Variants in THSD4 observed in about 807,000 individuals in gnomAD.
THSD4 encodes the protein thrombospondin type-1 domain-containing protein 4.
A neutral mutation model predicts 119.0 loss-of-function variants in THSD4; 69 were observed. The ratio of observed to expected loss-of-function variants is 0.58; its 90% CI spans 0.48 to 0.71. The LOEUF is 0.71. Among genes scored for constraint, THSD4 ranks in the 30% least tolerant of loss-of-function variants. The pLI, the probability that THSD4 is intolerant of heterozygous loss-of-function variation, is 0.00. For synonymous variants in THSD4, 524 were observed against 540.4 expected (o/e 0.97, Z 0.42); for missense variants, 1,393 against 1,391.1 (o/e 1.00, Z -0.02).
chr15:71,447,732 T>G (rs2047206054), intron 7 of THSD4, among the ~76,000 whole-genome samples: 1 of 152,212 alleles, frequency 6.6e-6, no homozygotes, highest in Non-Finnish European at 1.5e-5. Context: ...CTAGAGTGGT[T>G]TAACCAAAAG....
intron 8 of THSD4, among the ~76,000 whole-genome samples, chr15:71,673,608 C>G (rs1384553846): frequency 3.9e-5 from 6 of 152,194 alleles, no homozygotes; most frequent in Non-Finnish European, 8.8e-5. Context: ...ATCTTTCCTG[C>G]TTTCTCTTGT....
chr15:71,212,606 T>G (rs914668212), intron 3 of THSD4, among the ~76,000 whole-genome samples: 7 of 152,234 alleles, frequency 4.6e-5, no homozygotes, highest in African/African-American at 1.7e-4. Context: ...CCAGGACAAT[T>G]GTCGAAGTGG....
intron 8 of THSD4, among the ~76,000 whole-genome samples, chr15:71,669,534 C>G (rs1333644273): frequency 6.6e-6 from 1 of 151,884 alleles, no homozygotes; most frequent in Admixed American, 6.6e-5. Flanking sequence ...CTGACAGATA[C>G]CTTTCACCAA....
Position 71,583,308 on chromosome 15 carries a change from A to G in THSD4, c.1153-77222A>G, listed in dbSNP as rs116961631. On this transcript the variant is annotated intron_variant, in intron 7 of 17. Transcript: ENST00000261862. ...TGTTTGAGCCTTTGACTCTTTTCTT[A>G]TAGTCTAGCTAAAGGTTTGTCAATT... Among the ~76,000 whole-genome samples, 193 of 152,130 alleles carry G rather than the reference A, an allele frequency of 1.3e-3. 2 individuals carry two copies. Among genetic ancestry groups the G allele is most frequent in the African/African-American group, 4.1e-3 (170 of 41,538 alleles).
At chr15:71,689,168 T>G (rs1320076846) in intron 8 of THSD4, among the ~76,000 whole-genome samples, 1 of 152,220 alleles carries the variant, frequency 6.6e-6, no homozygotes, top group Non-Finnish European at 1.5e-5. Context: ...TACTGGAAAT[T>G]TCTACGAAGT....
intron 7 of THSD4, among the ~76,000 whole-genome samples, chr15:71,606,801 G>A (rs4496085): frequency 0.95 from 144,489 of 152,294 alleles, 69,043 homozygotes; most frequent in East Asian, 1. Context: ...CAGCCTCCCA[G>A]AGTGCTGGGA....
intron 10 of THSD4, chr15:71,733,631 G>A (rs936171221): frequency 6.6e-6 from 1 of 152,068 alleles, no homozygotes; most frequent in Admixed American, 6.6e-5. Flanking sequence ...TGGCAAAAAA[G>A]CTGAGAGGTC....
chr15:71,394,337 A>G (rs370014118), intron 6 of THSD4, among the ~76,000 whole-genome samples: 2 of 143,828 alleles, frequency 1.4e-5, no homozygotes, highest in Non-Finnish European at 1.5e-5. Flanking sequence ...CAGTCGTGCA[A>G]TCTTGGCTCA....
intron 7 of THSD4, among the ~76,000 whole-genome samples, chr15:71,445,749 A>G (rs111625874): frequency 6.6e-6 from 1 of 152,236 alleles, no homozygotes; most frequent in African/African-American, 2.4e-5. Context: ...GGCTGACTGG[A>G]AAGAGGTGAT....
At chr15:71,200,934 T>C (rs1424723542) in intron 3 of THSD4, among the ~76,000 whole-genome samples, 1 of 152,194 alleles carries the variant, frequency 6.6e-6, no homozygotes, top group Non-Finnish European at 1.5e-5. Flanking sequence ...TGGCTTCCCT[T>C]TGTGCCCTAT....
rs1220382105 is a variant in THSD4 at position 71,417,699 on chromosome 15, A to G, written c.1152+5876A>G. ...TCCTCCAGTTTTCTTCCTTTTGCTC[A>G]GGATTGCTTTGGCTCTTCTTAATCT... On this transcript the variant is annotated intron_variant, in intron 7 of 17. Transcript: ENST00000261862. Among the ~76,000 whole-genome samples the G allele has an allele frequency of 1.8e-5, 2 of 108,604 alleles. 1 individual carries two copies. The highest frequency in any genetic ancestry group is 4.0e-5 in the Non-Finnish European group (2 of 49,400). The allele number at this position is 108,604 out of a possible 152,430, so 71.2% of individuals were successfully genotyped here. A position where few individuals can be genotyped will look rare whatever the true frequency, so the allele number is the denominator to read the frequency against.
chr15:71,405,642 G>A (rs112263337), intron 6 of THSD4, among the ~76,000 whole-genome samples: 2 of 152,126 alleles, frequency 1.3e-5, no homozygotes, highest in African/African-American at 4.8e-5. Context: ...TTTTTCTTTG[G>A]TCCCTTGCAT....
intron 7 of THSD4, among the ~76,000 whole-genome samples, chr15:71,465,623 C>T (rs1157847149): frequency 6.6e-6 from 1 of 152,086 alleles, no homozygotes; most frequent in Non-Finnish European, 1.5e-5. Flanking sequence ...ACTTTTTATC[C>T]CTGCAACCCA....
chr15:71,709,167 C>A (rs1338416130), intron 8 of THSD4, among the ~76,000 whole-genome samples: 1 of 152,090 alleles, frequency 6.6e-6, no homozygotes, highest in Non-Finnish European at 1.5e-5. Context: ...ATAAGGACAG[C>A]CAGGGGGAGG....
chr15:71,342,814 G>A (rs1348178836), intron 6 of THSD4: 1 of 152,194 alleles, frequency 6.6e-6, no homozygotes, highest in Non-Finnish European at 1.5e-5. Context: ...ATTCTCTTTT[G>A]AGGCTGTGTG....
intron 7 of THSD4, among the ~76,000 whole-genome samples, chr15:71,447,568 A>G (rs576877093): frequency 6.6e-6 from 1 of 152,294 alleles, no homozygotes; most frequent in East Asian, 1.9e-4. Context: ...CTACCAGACC[A>G]CAAGTGCCTC....
intron 3 of THSD4, chr15:71,172,098 G>C (rs1025482071): frequency 6.6e-6 from 1 of 152,056 alleles, no homozygotes; most frequent in Non-Finnish European, 1.5e-5. Context: ...GTCTGAGGTG[G>C]GTGGATCACC....
At chr15:71,554,190 C>T (rs946815164) in intron 7 of THSD4, among the ~76,000 whole-genome samples, 101 of 147,746 alleles carry the variant, frequency 6.8e-4, no homozygotes, top group African/African-American at 2.3e-3. Context: ...CCTGGGTTCA[C>T]GCCATTCTCC....
Position 71,731,484 on chromosome 15 carries a change from A to G in THSD4, c.1630+267A>G, listed in dbSNP as rs16956129. The G allele has an allele frequency of 7.0e-3, 3,109 of 443,622 alleles. 82 individuals are homozygous for G. The highest frequency in any genetic ancestry group is 0.052 in the Admixed American group (1,523 of 29,262). 27.5% of individuals were successfully genotyped at this position (443,622 alleles called of 1,614,324 possible). A position where few individuals can be genotyped will look rare whatever the true frequency, so the allele number is the denominator to read the frequency against. ...GCCAGTTCAACATTTGAAATGCTTTATACTAGTTTCCAGGCCAGACAAGGG... is the reference window on the plus strand; with the variant it reads ...GCCAGTTCAACATTTGAAATGCTTTGTACTAGTTTCCAGGCCAGACAAGGG... On this transcript the variant is annotated intron_variant, in intron 10 of 17. Transcript: ENST00000261862.
Sources: gnomAD v4.1 joint callset for allele counts (sites outside exome capture counted in the v4.1 genomes callset) on GRCh38, gnomAD v4.1.1 for gene constraint, MANE v1.5 for transcripts, NCBI Gene and HGNC (gene_info 2026-07-23, HGNC 2026-07-21) for gene names.